Variants in GRM1 observed in about 807,000 individuals in gnomAD.
GRM1 encodes glutamate metabotropic receptor 1, also known as metabotropic glutamate receptor 1.
A neutral mutation model predicts 90.9 loss-of-function variants in GRM1; 33 were observed. The ratio of observed to expected loss-of-function variants is 0.36; its 90% CI spans 0.28 to 0.49. The LOEUF is 0.49. Among genes scored for constraint, GRM1 ranks in the 20% least tolerant of loss-of-function variants. GRM1 has a pLI of 0.99. For synonymous variants in GRM1, 700 were observed against 613.2 expected, an observed-to-expected ratio of 1.14 and a Z score of -2.09; for missense variants, 1,190 against 1,534.3, an observed-to-expected ratio of 0.78 and a Z score of 3.75.
upstream of GRM1, among the ~76,000 whole-genome samples, chr6:146,028,139 C>T (rs1428830583): frequency 2.0e-5 from 3 of 152,014 alleles, no homozygotes; most frequent in Non-Finnish European, 4.4e-5. Context: ...GCGCCTCTGT[C>T]CCCAAGCGGG....
At chr6:146,374,641 A>G (rs986760962) in intron 5 of GRM1, among the ~76,000 whole-genome samples, 1 of 152,024 alleles carries the variant, frequency 6.6e-6, no homozygotes, top group African/African-American at 2.4e-5. Flanking sequence ...CTAGATTTTT[A>G]AAATTTATTG....
At chr6:146,337,816 A>G (rs752931063) in intron 3 of GRM1, among the ~76,000 whole-genome samples, 1 of 152,236 alleles carries the variant, frequency 6.6e-6, no homozygotes, top group Non-Finnish European at 1.5e-5. Flanking sequence ...AAACAGGAAT[A>G]CACAATTCCC....
chr6:146,390,751 T>C (rs1298594125), intron 6 of GRM1, among the ~76,000 whole-genome samples: 1 of 152,070 alleles, frequency 6.6e-6, no homozygotes, highest in African/African-American at 2.4e-5. Context: ...AAACTGGGAA[T>C]ATACAGGTGA....
chr6:146,062,492 C>CAATAAAATAAAATAA lies in GRM1; in HGVS notation c.700+32304_700+32318dup, dbSNP rs55760038. ...ATGTGTCTCAGAACTTAAAGTATAA[C>CAATAAAATAAAATAA]AATAAAATAAAATAAAATAAAATAA... is the stretch of plus-strand genomic sequence containing the variant. On this transcript the variant is annotated intron_variant, in intron 1 of 7. Coordinates refer to ENST00000282753, the MANE Select transcript of GRM1 (RefSeq NM_001278064.2). Among the ~76,000 whole-genome samples the CAATAAAATAAAATAA allele has an allele frequency of 4.8e-4, 70 of 145,728 alleles. 2 individuals are homozygous for CAATAAAATAAAATAA. Among genetic ancestry groups the CAATAAAATAAAATAA allele is most frequent in the African/African-American group, 1.8e-3 (68 of 38,654 alleles).
intron 4 of GRM1, among the ~76,000 whole-genome samples, chr6:146,354,825 A>T (rs1785527190): frequency 6.6e-6 from 1 of 152,170 alleles, no homozygotes. Context: ...GTCAAAGGAA[A>T]AGGGCAGTGT....
intron 5 of GRM1, among the ~76,000 whole-genome samples, chr6:146,374,951 CTGT>C (rs1482875139): frequency 6.6e-6 from 1 of 151,882 alleles, no homozygotes; most frequent in Non-Finnish European, 1.5e-5. Context: ...TTAAGATGCA[CTGT>C]TAGATTGTTC....
chr6:146,114,975 C>T (rs899926662), intron 1 of GRM1, among the ~76,000 whole-genome samples: 3 of 152,040 alleles, frequency 2.0e-5, no homozygotes, highest in African/African-American at 7.2e-5. Flanking sequence ...GACTACAGGA[C>T]ATGAAAATTC....
chr6:146,344,084 T>TG (rs371908141), intron 3 of GRM1, among the ~76,000 whole-genome samples: 1 of 152,348 alleles, frequency 6.6e-6, no homozygotes, highest in African/African-American at 2.4e-5. Flanking sequence ...AAATTCATGC[T>TG]GATGTTTCCA....
intron 7 of GRM1, among the ~76,000 whole-genome samples, chr6:146,420,490 C>T (rs770109664): frequency 9.9e-5 from 15 of 152,202 alleles, no homozygotes; most frequent in African/African-American, 2.9e-4. Context: ...GGTTGGATTA[C>T]GTTAAGCAGT....
At chr6:146,229,923 C>A (rs9485057) in intron 2 of GRM1, among the ~76,000 whole-genome samples, 31,322 of 152,028 alleles carry the variant, frequency 0.21, 7,099 homozygotes, top group African/African-American at 0.57. Context: ...TGAACCCAGG[C>A]TGACTTGCTC....
intron 5 of GRM1, among the ~76,000 whole-genome samples, chr6:146,360,865 A>T (rs761693863): frequency 3.9e-5 from 6 of 152,214 alleles, no homozygotes; most frequent in Non-Finnish European, 8.8e-5. Flanking sequence ...AAGGATGGGG[A>T]AAAGCAAAAC....
At chr6:146,264,205 G>C (rs1214192919) in intron 2 of GRM1, among the ~76,000 whole-genome samples, 1 of 152,050 alleles carries the variant, frequency 6.6e-6, no homozygotes, top group Non-Finnish European at 1.5e-5. Flanking sequence ...GGACTGTATG[G>C]TTTGGAAATT....
chr6:146,106,340 C>T (rs1775297276), intron 1 of GRM1, among the ~76,000 whole-genome samples: 1 of 152,134 alleles, frequency 6.6e-6, no homozygotes, highest in Admixed American at 6.5e-5. Context: ...ATTACAGACC[C>T]TTAAGATACC....
chr6:146,051,246 G>A (rs1229609408), intron 1 of GRM1, among the ~76,000 whole-genome samples: 1 of 151,970 alleles, frequency 6.6e-6, no homozygotes. Context: ...ACAAGATAAT[G>A]GCTAGCATAT....
Position 146,399,323 on chromosome 6 carries a change from C to A in GRM1, c.2284C>A (p.Leu762Ile). ...GGTGGCCCCTTTGGGCTACAATGGACTCCTCATCATGAGCTGTACCTACTA... is the reference window on the plus strand; with the variant it reads ...GGTGGCCCCTTTGGGCTACAATGGAATCCTCATCATGAGCTGTACCTACTA... ...GVVAPLGYNG[L>I]LIMSCTYYAF... The change falls in exon 7 of 8, where the codon CTC becomes ATC. Residue 762 changes from leucine to isoleucine, a missense_variant. Leu to Ile is a conservative substitution (Grantham distance 5, BLOSUM62 2). Transcript: ENST00000282753. The surrounding 1 kb of genome is among the most constrained non-coding windows in gnomAD (Gnocchi z 5.4). The A allele has an allele frequency of 6.2e-7, 1 of 1,614,164 alleles. No homozygotes were observed. The highest frequency in any genetic ancestry group is 8.5e-7 in the Non-Finnish European group (1 of 1,180,004).
chr6:146,078,903 G>T (rs1776273944), intron 1 of GRM1, among the ~76,000 whole-genome samples: 1 of 152,146 alleles, frequency 6.6e-6, no homozygotes, highest in Admixed American at 6.5e-5. Flanking sequence ...CACACCACCA[G>T]GAAAGATGAG....
chr6:146,154,004 T>A (rs559618183), intron 1 of GRM1, among the ~76,000 whole-genome samples: 1 of 152,196 alleles, frequency 6.6e-6, no homozygotes, highest in East Asian at 1.9e-4. Flanking sequence ...TTCGTGCCCA[T>A]TGGTGAGATA....
chr6:146,082,826 C>T (rs1401288264), intron 1 of GRM1, among the ~76,000 whole-genome samples: 1 of 152,114 alleles, frequency 6.6e-6, no homozygotes, highest in African/African-American at 2.4e-5. Flanking sequence ...TTACTTCGGG[C>T]AGTATGGCCA....
intron 1 of GRM1, among the ~76,000 whole-genome samples, chr6:146,036,033 C>T (rs909677190): frequency 2.6e-5 from 4 of 151,952 alleles, no homozygotes; most frequent in Non-Finnish European, 4.4e-5. Flanking sequence ...ATGGCAGCTT[C>T]CATTTTATGT....
Sources: gnomAD v4.1 joint callset for allele counts (sites outside exome capture counted in the v4.1 genomes callset) on GRCh38, gnomAD v4.1.1 for gene constraint, Gnocchi (gnomAD v3.1) non-coding constraint, MANE v1.5 for transcripts, NCBI Gene and HGNC (gene_info 2026-07-23, HGNC 2026-07-21) for gene names.